Variants in SPAG16 observed in about 807,000 individuals in gnomAD.
SPAG16 encodes the protein sperm-associated antigen 16 protein.
Under a neutral mutation model 80.4 loss-of-function variants are expected in SPAG16, and 86 were observed. The ratio of observed to expected loss-of-function variants is 1.07; its 90% CI spans 0.90 to 1.28. SPAG16 has a LOEUF of 1.28. SPAG16 is among the 50% of genes most tolerant of loss of function. The probability of loss-of-function intolerance (pLI) is 0.00; values close to 1 mark genes in which losing one functional copy is unlikely to be tolerated. For synonymous variants in SPAG16, 294 were observed against 265.9 expected (o/e 1.11, Z -1.03); for missense variants, 870 against 765.3 (o/e 1.14, Z -1.61).
Position 214,171,449 on chromosome 2 carries a change from A to G in SPAG16, c.1720+22183A>G, listed in dbSNP as rs1044002108. Among the ~76,000 whole-genome samples the G allele has an allele frequency of 4.7e-5, 7 of 150,274 alleles. No homozygotes were observed. The Admixed American group carries it at 4.7e-4, about 10-fold the overall frequency. On this transcript the variant is annotated intron_variant, in intron 15 of 15. Coordinates refer to ENST00000331683, the MANE Select transcript of SPAG16 (RefSeq NM_024532.5). Reference sequence around the variant, plus strand: ...CCCTTGTACAGATGCTAGCATATCAATAAATAGTTTATATATTTTATAACA... The same window carrying G: ...CCCTTGTACAGATGCTAGCATATCAGTAAATAGTTTATATATTTTATAACA...
At chr2:214,188,683 A>G (rs192166232) in intron 15 of SPAG16, among the ~76,000 whole-genome samples, 1 of 152,098 alleles carries the variant, frequency 6.6e-6, no homozygotes. Context: ...TCCTATCCTT[A>G]TATTTACCTG....
At chr2:213,669,213 G>A (rs761330831) in intron 10 of SPAG16, among the ~76,000 whole-genome samples, 4 of 152,180 alleles carry the variant, frequency 2.6e-5, no homozygotes, top group Non-Finnish European at 5.9e-5. Flanking sequence ...TGTGAAAATT[G>A]TAGTTGCCTT....
rs558204314 is a variant in SPAG16, at chr2:213,762,585, C to G, written c.1071-99900C>G. On this transcript the variant is annotated intron_variant, in intron 10 of 15. Transcript: ENST00000331683. The stretch of plus-strand genomic sequence containing the variant: ...AATGAATTTGGAAAAACTGGTTACC[C>G]TCATGTAAAAGAATGAAATTGAACC... Among the ~76,000 whole-genome samples, 12 of 152,210 alleles carry G rather than the reference C, an allele frequency of 7.9e-5. No individual in the cohort carries two copies. In the South Asian group the frequency reaches 2.5e-3, roughly 32 times the overall value.
intron 9 of SPAG16, among the ~76,000 whole-genome samples, chr2:213,463,601 G>C (rs914481618): frequency 6.6e-6 from 1 of 152,266 alleles, no homozygotes; most frequent in Non-Finnish European, 1.5e-5. Context: ...AGCCTTGGCA[G>C]CTTTCACATG....
intron 15 of SPAG16, among the ~76,000 whole-genome samples, chr2:214,353,963 C>G (rs1346800648): frequency 6.6e-6 from 1 of 152,024 alleles, no homozygotes; most frequent in Non-Finnish European, 1.5e-5. Context: ...AGTCTCTTCC[C>G]ATTCATGCTC....
chr2:214,074,887 A>G (rs1362323483), intron 13 of SPAG16, among the ~76,000 whole-genome samples: 1 of 152,178 alleles, frequency 6.6e-6, no homozygotes, highest in Non-Finnish European at 1.5e-5. Flanking sequence ...AGATAACGCA[A>G]ACTGTTAGCA....
chr2:214,351,327 G>A (rs1421907567), intron 15 of SPAG16, among the ~76,000 whole-genome samples: 1 of 152,060 alleles, frequency 6.6e-6, no homozygotes, highest in African/African-American at 2.4e-5. Context: ...ATATATTAAA[G>A]TTATCTATCA....
intron 15 of SPAG16, among the ~76,000 whole-genome samples, chr2:214,264,891 G>T (rs540533450): frequency 2.7e-4 from 41 of 152,112 alleles, no homozygotes; most frequent in Middle Eastern, 3.4e-3. Context: ...TGTGGCTTTT[G>T]CAGACTGGCT....
chr2:213,511,126 A>C (rs1357657477), intron 10 of SPAG16, among the ~76,000 whole-genome samples: 3 of 151,682 alleles, frequency 2.0e-5, no homozygotes, highest in African/African-American at 7.3e-5. Context: ...ATTTTTAATA[A>C]TTATCTCTTT....
intron 11 of SPAG16, among the ~76,000 whole-genome samples, chr2:213,918,611 A>C (rs1423585137): frequency 1.3e-5 from 2 of 152,132 alleles, no homozygotes; most frequent in Non-Finnish European, 2.9e-5. Flanking sequence ...TTCCCTGCAC[A>C]AATTCTCTCT....
At chr2:213,583,324 A>G (rs1321975343) in intron 10 of SPAG16, among the ~76,000 whole-genome samples, 2 of 152,210 alleles carry the variant, frequency 1.3e-5, no homozygotes, top group Non-Finnish European at 1.5e-5. Flanking sequence ...ACAAAAGTAT[A>G]TGATATAATG....
At chr2:214,261,303 G>T (rs183433466) in intron 15 of SPAG16, among the ~76,000 whole-genome samples, 1 of 151,846 alleles carries the variant, frequency 6.6e-6, no homozygotes, top group East Asian at 1.9e-4. Context: ...AGAGAGCTAG[G>T]CTTCAGAAGC....
chr2:213,527,904 T>C (rs894632620), intron 10 of SPAG16, among the ~76,000 whole-genome samples: 1 of 151,666 alleles, frequency 6.6e-6, no homozygotes, highest in Non-Finnish European at 1.5e-5. Flanking sequence ...AAAATTAAAC[T>C]AGTAGCAGCA....
intron 8 of SPAG16, 157 bp downstream of exon 8, chr2:213,364,302 T>C: frequency 2.7e-6 from 1 of 369,736 alleles, no homozygotes; most frequent in Non-Finnish European, 4.9e-6. Context: ...AATATAGATA[T>C]CATACTGTAT....
chr2:214,405,605 G>A (rs1246290705), intron 15 of SPAG16, among the ~76,000 whole-genome samples: 1 of 152,104 alleles, frequency 6.6e-6, no homozygotes, highest in African/African-American at 2.4e-5. Context: ...AGACCAGCAG[G>A]GCCAACATGG....
chr2:213,697,492 G>C (rs13002044), intron 10 of SPAG16, among the ~76,000 whole-genome samples: 40,058 of 152,064 alleles, frequency 0.26, 6,246 homozygotes, highest in Middle Eastern at 0.41. Flanking sequence ...TGACAAAAGA[G>C]ACTTTGCAGA....
chr2:214,339,288 AT>A (rs928833620), intron 15 of SPAG16, among the ~76,000 whole-genome samples: 58 of 152,158 alleles, frequency 3.8e-4, no homozygotes, highest in Non-Finnish European at 6.6e-4. Flanking sequence ...AAGTCCACAC[AT>A]TTTTTTTCTT....
At chr2:213,815,399 T>C (rs2072463352) in intron 10 of SPAG16, among the ~76,000 whole-genome samples, 1 of 152,224 alleles carries the variant, frequency 6.6e-6, no homozygotes, top group Admixed American at 6.5e-5. Context: ...CTAGGGTAGT[T>C]ACAGGACTGT....
intron 10 of SPAG16, among the ~76,000 whole-genome samples, chr2:213,660,408 G>A (rs187633148): frequency 2.5e-4 from 38 of 152,014 alleles, no homozygotes; most frequent in Non-Finnish European, 4.9e-4. Context: ...ATGTATGTAT[G>A]TATGTACATA....
Sources: gnomAD v4.1 joint callset for allele counts (sites outside exome capture counted in the v4.1 genomes callset) on GRCh38, gnomAD v4.1.1 for gene constraint, MANE v1.5 for transcripts, NCBI Gene and HGNC (gene_info 2026-07-23, HGNC 2026-07-21) for gene names.